ZNF503: variants seen among roughly 807,000 people sequenced by gnomAD.
ZNF503 encodes the protein NocA-like zinc finger 2.
Under a neutral mutation model 34.4 loss-of-function variants are expected in ZNF503, and 15 were observed. That is an observed-to-expected ratio of 0.44 (90% CI 0.29 to 0.67). The LOEUF is 0.67. Among genes scored for constraint, ZNF503 ranks in the 30% least tolerant of loss-of-function variants. The pLI, the probability that ZNF503 is intolerant of heterozygous loss-of-function variation, is 0.13. For synonymous variants in ZNF503, 580 were observed against 456.8 expected, an observed-to-expected ratio of 1.27 and a Z score of -3.44; for missense variants, 1,007 against 926.8, an observed-to-expected ratio of 1.09 and a Z score of -1.12.
chr10:75,345,465 T>C, the ZNF503 span, among the ~76,000 whole-genome samples: 1 of 151,086 alleles, frequency 6.6e-6, no homozygotes, highest in East Asian at 1.9e-4. Context: ...TGAAACCCTG[T>C]CTCTACTAAA....
chr10:75,348,729 G>T, the ZNF503 span, among the ~76,000 whole-genome samples: 2 of 147,424 alleles, frequency 1.4e-5, no homozygotes, highest in African/African-American at 5.0e-5. Context: ...AGCCAGGATG[G>T]TCTCCATCTC....
the ZNF503 span, among the ~76,000 whole-genome samples, chr10:75,386,214 C>T: frequency 6.6e-6 from 1 of 152,220 alleles, no homozygotes; most frequent in African/African-American, 2.4e-5. Context: ...ACACTGTGCG[C>T]TTCTTCCTCC....
the ZNF503 span, among the ~76,000 whole-genome samples, chr10:75,339,523 G>A: frequency 2.0e-5 from 3 of 152,320 alleles, no homozygotes; most frequent in South Asian, 6.2e-4. Flanking sequence ...CTTGTTGTAT[G>A]CCACCAGTGG....
the ZNF503 span, among the ~76,000 whole-genome samples, chr10:75,388,641 C>G: frequency 6.6e-6 from 1 of 152,232 alleles, no homozygotes; most frequent in Admixed American, 6.5e-5. Context: ...CTTTGTGCCT[C>G]AGTTTCCCCA....
chr10:75,372,527 T>C, the ZNF503 span, among the ~76,000 whole-genome samples: 1 of 152,210 alleles, frequency 6.6e-6, no homozygotes, highest in Non-Finnish European at 1.5e-5. Context: ...CCTGACTCAA[T>C]GAACGACTGT....
chr10:75,324,761 T>C, the ZNF503 span, among the ~76,000 whole-genome samples: 1 of 152,210 alleles, frequency 6.6e-6, no homozygotes, highest in Admixed American at 6.5e-5. Context: ...TGTGCAACAA[T>C]CACCACTATC....
chr10:75,290,176 T>A, the ZNF503 span, among the ~76,000 whole-genome samples: 4 of 152,242 alleles, frequency 2.6e-5, no homozygotes, highest in Non-Finnish European at 5.9e-5. Context: ...TTCCCTTCCT[T>A]TCAAAGGCTG....
At chr10:75,320,879 G>A in the ZNF503 span, among the ~76,000 whole-genome samples, 30 of 152,216 alleles carry the variant, frequency 2.0e-4, no homozygotes, top group African/African-American at 5.5e-4. Context: ...ATAAAATTTC[G>A]CATTCATTCA....
the ZNF503 span, among the ~76,000 whole-genome samples, chr10:75,385,559 A>G: frequency 1.3e-5 from 2 of 151,766 alleles, no homozygotes; most frequent in South Asian, 4.2e-4. Context: ...TGGCCAGAAC[A>G]CTCCCACATG....
At chr10:75,348,194 C>T in the ZNF503 span, among the ~76,000 whole-genome samples, 3 of 152,130 alleles carry the variant, frequency 2.0e-5, no homozygotes, top group Admixed American at 1.3e-4. Flanking sequence ...TCCCCAATAG[C>T]TGGGATTACA....
chr10:75,311,453 T>C, the ZNF503 span, among the ~76,000 whole-genome samples: 1 of 152,134 alleles, frequency 6.6e-6, no homozygotes, highest in Non-Finnish European at 1.5e-5. Context: ...AATCAATAAA[T>C]ATCCACACCA....
the ZNF503 span, among the ~76,000 whole-genome samples, chr10:75,372,132 A>G: frequency 6.6e-6 from 1 of 152,140 alleles, no homozygotes; most frequent in African/African-American, 2.4e-5. Flanking sequence ...GGGTTTCACC[A>G]TGTTGGCCAG....
At position 75,398,992 on chromosome 10, in the gene ZNF503, C is replaced by T. The variant is rs1268917355; in HGVS notation, c.1698G>A (p.Ala566=). 6.2e-6 allele frequency: 10 copies of T among 1,606,102 alleles called. No individual in the cohort carries two copies. Among genetic ancestry groups the T allele is most frequent in the East Asian group, 4.5e-5 (2 of 44,836 alleles). ...TGTGCATGTGGCAAGCCATGGCGGC[C>T]GCGGCAGCGCTGGCCAGAGACGACG... The part of the protein sequence containing the change: ...PSSSSLASAA[A]AAMACHMHIP... The change falls in exon 2 of 2, where the codon GCG becomes GCA. Residue 566 remains alanine (A), a synonymous_variant. Transcript: ENST00000372524.
chr10:75,374,516 T>G, the ZNF503 span, among the ~76,000 whole-genome samples: 2 of 152,096 alleles, frequency 1.3e-5, no homozygotes, highest in Admixed American at 6.5e-5. Context: ...TCCACCCAGC[T>G]CACACTCTCC....
the ZNF503 span, among the ~76,000 whole-genome samples, chr10:75,317,560 C>T: frequency 4.6e-5 from 7 of 151,566 alleles, no homozygotes; most frequent in Non-Finnish European, 1.0e-4. Flanking sequence ...GCTGGGATTA[C>T]AGGCATGAGC....
chr10:75,284,662 G>A, the ZNF503 span, among the ~76,000 whole-genome samples: 2 of 152,050 alleles, frequency 1.3e-5, no homozygotes, highest in Non-Finnish European at 2.9e-5. Flanking sequence ...TTTCATCTGG[G>A]CCCTTCACCT....
chr10:75,338,621 G>C, the ZNF503 span, among the ~76,000 whole-genome samples: 322 of 152,256 alleles, frequency 2.1e-3, 1 homozygote, highest in Middle Eastern at 0.024. Flanking sequence ...CAGTGCTCAG[G>C]GCCCTCATCC....
At chr10:75,350,224 G>A in the ZNF503 span, 1 of 152,202 alleles carries the variant, frequency 6.6e-6, no homozygotes, top group African/African-American at 2.4e-5. Flanking sequence ...TGCATTATTA[G>A]ACATGACATA....
At chr10:75,295,361 G>C in the ZNF503 span, among the ~76,000 whole-genome samples, 1 of 152,186 alleles carries the variant, frequency 6.6e-6, no homozygotes, top group Admixed American at 6.5e-5. The surrounding 1 kb of genome is among the most constrained non-coding windows in gnomAD (Gnocchi z 4.0). Flanking sequence ...CCCAGAGGTT[G>C]AGGGGGGGAA....
Sources: allele counts gnomAD v4.1 joint callset (sites outside exome capture counted in the v4.1 genomes callset), GRCh38; gene constraint gnomAD v4.1.1; non-coding constraint Gnocchi (gnomAD v3.1); transcripts MANE v1.5; gene names NCBI Gene and HGNC (gene_info 2026-07-23, HGNC 2026-07-21).